SESTD1: variants seen among roughly 807,000 people sequenced by gnomAD.
The protein encoded by SESTD1 is SEC14 and spectrin domain containing 1.
In SESTD1, 43 loss-of-function variants were observed where a neutral mutation model predicts 101.7. That is an observed-to-expected ratio of 0.42 (90% confidence interval 0.33 to 0.55). SESTD1 has a LOEUF of 0.55. Ranked by LOEUF, SESTD1 falls within the 20% of genes least tolerant of loss-of-function variation. The pLI is 0.07. For missense variants in SESTD1, 647 were observed against 815.1 expected (o/e 0.79, Z 2.51); for synonymous variants, 283 against 286.8 (o/e 0.99, Z 0.13).
chr2:179,238,602 G>C (rs1396572092), intron 1 of SESTD1, among the ~76,000 whole-genome samples: 1 of 152,082 alleles, frequency 6.6e-6, no homozygotes, highest in Non-Finnish European at 1.5e-5. Context: ...GTTTCTGTAA[G>C]AAACTAGAAA....
At chr2:179,231,156 C>G (rs2046981644) in intron 1 of SESTD1, among the ~76,000 whole-genome samples, 2 of 152,100 alleles carry the variant, frequency 1.3e-5, no homozygotes, top group Non-Finnish European at 2.9e-5. Context: ...ACCATGAGTT[C>G]TTCTTAAGAA....
rs1040542342 is a variant in SESTD1 at position 179,108,667 on chromosome 2, G to A, written c.*1232C>T. The A allele has an allele frequency of 3.3e-5, 5 of 151,618 alleles. No individual in the cohort carries two copies. The highest frequency in any genetic ancestry group is 2.6e-4 in the Admixed American group (4 of 15,228). 9.4% of individuals were successfully genotyped at this position (151,618 alleles called of 1,614,324 possible). A position where few individuals can be genotyped will look rare whatever the true frequency, so the allele number is the denominator to read the frequency against. On this transcript the variant is annotated 3_prime_UTR_variant, in exon 18 of 18. Transcript: ENST00000428443. ...TCAAAAAGGAACCAGTATACAACTC[G>A]TTTATAATTTTGTAATGACTACAAG... is the stretch of plus-strand genomic sequence containing the variant.
At chr2:179,122,932 A>G (rs964526950) in intron 12 of SESTD1, among the ~76,000 whole-genome samples, 3 of 152,194 alleles carry the variant, frequency 2.0e-5, no homozygotes, top group Non-Finnish European at 4.4e-5. Flanking sequence ...AGCAAGTAAA[A>G]TGTCAGTACA....
At chr2:179,249,231 A>T (rs1225639069) in intron 1 of SESTD1, among the ~76,000 whole-genome samples, 1 of 149,622 alleles carries the variant, frequency 6.7e-6, no homozygotes, top group African/African-American at 2.5e-5. Context: ...AAAAAAAAAG[A>T]AGACTACCCC....
chr2:179,132,001 C>G (rs775421508), intron 10 of SESTD1: 1 of 181,924 alleles, frequency 5.5e-6, no homozygotes, highest in Non-Finnish European at 1.1e-5. Context: ...ACAGAGACTA[C>G]AGATGAAAGC....
At chr2:179,145,973 T>G (rs531610140) in intron 8 of SESTD1, among the ~76,000 whole-genome samples, 1 of 152,256 alleles carries the variant, frequency 6.6e-6, no homozygotes, top group East Asian at 1.9e-4. Flanking sequence ...AGATTATTAT[T>G]AATTTTTAAA....
intron 1 of SESTD1, among the ~76,000 whole-genome samples, chr2:179,198,626 A>G (rs1391347930): frequency 6.6e-6 from 1 of 151,934 alleles, no homozygotes; most frequent in African/African-American, 2.4e-5. Flanking sequence ...CAGTGCAATC[A>G]AACTAGAACT....
intron 7 of SESTD1, among the ~76,000 whole-genome samples, chr2:179,148,783 G>A (rs1279388176): frequency 2.6e-5 from 4 of 152,018 alleles, no homozygotes; most frequent in South Asian, 4.1e-4. Context: ...AAAATGGGCC[G>A]GGTGCGGTGG....
intron 5 of SESTD1, among the ~76,000 whole-genome samples, chr2:179,171,270 T>G (rs1032190394): frequency 2.0e-5 from 3 of 152,196 alleles, no homozygotes; most frequent in Non-Finnish European, 4.4e-5. Flanking sequence ...TTTAAGAAAT[T>G]TCAAGCCATC....
chr2:179,233,544 C>T (rs2047016104), intron 1 of SESTD1, among the ~76,000 whole-genome samples: 1 of 152,146 alleles, frequency 6.6e-6, no homozygotes, highest in African/African-American at 2.4e-5. Context: ...ACCTCTGCCT[C>T]CTGGGTTCAA....
intron 1 of SESTD1, among the ~76,000 whole-genome samples, chr2:179,251,342 C>T (rs1051045297): frequency 7.2e-5 from 11 of 152,128 alleles, no homozygotes; most frequent in Admixed American, 2.6e-4. Context: ...GAAACTTACC[C>T]GAAACCTCTT....
intron 1 of SESTD1, among the ~76,000 whole-genome samples, chr2:179,223,728 A>G (rs563523314): frequency 1.3e-5 from 2 of 152,304 alleles, no homozygotes; most frequent in African/African-American, 4.8e-5. Flanking sequence ...AATGACAATA[A>G]AAGACTAAAT....
At chr2:179,200,311 A>G (rs2046485926) in intron 1 of SESTD1, among the ~76,000 whole-genome samples, 1 of 152,204 alleles carries the variant, frequency 6.6e-6, no homozygotes, top group Admixed American at 6.5e-5. Flanking sequence ...GCTCATGGGT[A>G]GGAAGAATCA....
At chr2:179,135,983 T>A (rs1371751757) in intron 9 of SESTD1, among the ~76,000 whole-genome samples, 1 of 152,214 alleles carries the variant, frequency 6.6e-6, no homozygotes, top group Non-Finnish European at 1.5e-5. Flanking sequence ...GTATGAGTTA[T>A]CTTTGGAGGG....
intron 4 of SESTD1, among the ~76,000 whole-genome samples, chr2:179,173,955 T>C (rs2045967220): frequency 6.6e-6 from 1 of 152,084 alleles, no homozygotes; most frequent in Non-Finnish European, 1.5e-5. Context: ...TGGAAAACCT[T>C]TGGAGGTAAA....
At chr2:179,223,134 C>G (rs979383968) in intron 1 of SESTD1, among the ~76,000 whole-genome samples, 1 of 151,764 alleles carries the variant, frequency 6.6e-6, no homozygotes, top group Non-Finnish European at 1.5e-5. Context: ...CGCTGATATA[C>G]GATATAACGA....
intron 6 of SESTD1, among the ~76,000 whole-genome samples, chr2:179,150,997 C>T (rs1005339796): frequency 2.0e-5 from 3 of 152,088 alleles, no homozygotes; most frequent in African/African-American, 7.2e-5. Context: ...CATAATCACA[C>T]AAAGGTAGGT....
rs536018513 is a variant in SESTD1 at position 179,182,720 on chromosome 2, C to A, written c.164+360G>T. 2.0e-3 allele frequency among the ~76,000 whole-genome samples: 306 copies of A among 152,172 alleles called. 3 individuals are homozygous for A. The highest frequency in any genetic ancestry group is 3.5e-3 in the Non-Finnish European group (235 of 68,002). Reference sequence around the variant, plus strand: ...ACTTCACTCACTTAATACATTAAAACCTGCAGACGTATTTATATCAATATG... The same window carrying A: ...ACTTCACTCACTTAATACATTAAAAACTGCAGACGTATTTATATCAATATG... On this transcript the variant is annotated intron_variant, in intron 3 of 17. Transcript: ENST00000428443.
At chr2:179,146,936 T>TGA (rs2045409257) in intron 7 of SESTD1, among the ~76,000 whole-genome samples, 1 of 145,314 alleles carries the variant, frequency 6.9e-6, no homozygotes, top group Admixed American at 6.7e-5. Flanking sequence ...TGTGTGTGTG[T>TGA]GTGTGTCCTA....
Sources: gnomAD v4.1 joint callset for allele counts (sites outside exome capture counted in the v4.1 genomes callset) on GRCh38, gnomAD v4.1.1 for gene constraint, MANE v1.5 for transcripts, NCBI Gene and HGNC (gene_info 2026-07-23, HGNC 2026-07-21) for gene names.